Variants in L3MBTL2 observed in about 807,000 individuals in gnomAD.
L3MBTL2 encodes the protein lethal(3)malignant brain tumor-like protein 2.
A neutral mutation model predicts 86.4 loss-of-function variants in L3MBTL2; 49 were observed. The observed-to-expected ratio is 0.57, with a 90% CI of 0.45 to 0.72. L3MBTL2 has a LOEUF of 0.72. L3MBTL2 is among the 30% of genes least tolerant of loss of function. The probability of loss-of-function intolerance (pLI) is 0.00; values close to 1 mark genes in which losing one functional copy is unlikely to be tolerated. For missense variants in L3MBTL2, 755 were observed against 923.7 expected, an observed-to-expected ratio of 0.82 and a Z score of 2.37; for synonymous variants, 336 against 350.6, an observed-to-expected ratio of 0.96 and a Z score of 0.47.
chr22:41,227,618 G>A lies in L3MBTL2; in HGVS notation c.1823-186G>A. Reference sequence around the variant, plus strand: ...TCTGAGCAGCCCTGGTAACAAGGGTGGGAAGAAGGGACAGCTGTTCTCCGG... The same window carrying A: ...TCTGAGCAGCCCTGGTAACAAGGGTAGGAAGAAGGGACAGCTGTTCTCCGG... On this transcript the variant is annotated intron_variant, in intron 14 of 16. Transcript: ENST00000216237. This position sits in a 1 kb window ranked among gnomAD's most constrained non-coding sequence, Gnocchi z 6.0. 3.9e-6 allele frequency: 6 copies of A among 1,547,514 alleles called. No homozygotes were observed. The highest frequency in any genetic ancestry group is 4.4e-6 in the Non-Finnish European group (5 of 1,145,048).
chr22:41,227,739 C>T lies in L3MBTL2; in HGVS notation c.1823-65C>T, dbSNP rs2032286624. 6.2e-7 allele frequency: 1 copy of T among 1,611,348 alleles called. No homozygotes were observed. The highest frequency in any genetic ancestry group is 8.5e-7 in the Non-Finnish European group (1 of 1,178,520). On this transcript the variant is annotated intron_variant, in intron 14 of 16. Coordinates refer to ENST00000216237, the MANE Select transcript of L3MBTL2 (RefSeq NM_031488.5). The surrounding 1 kb of genome is among the most constrained non-coding windows in gnomAD (Gnocchi z 6.0). Reference sequence around the variant, plus strand: ...AGGGTGGATGGGGTCTCGGGATGCGCCTGTGCCCTGTGTCCTCCCAGGGAC... The same window carrying T: ...AGGGTGGATGGGGTCTCGGGATGCGTCTGTGCCCTGTGTCCTCCCAGGGAC...
chr22:41,211,393 C>A (rs1273474806), intron 2 of L3MBTL2, among the ~76,000 whole-genome samples: 2 of 150,852 alleles, frequency 1.3e-5, no homozygotes, highest in Non-Finnish European at 3.0e-5. Flanking sequence ...TTTGTAGAGA[C>A]AGGGGTTTTG....
chr22:41,225,044 CA>C lies in L3MBTL2; in HGVS notation c.1331del (p.Asn444ThrfsTer16). On this transcript the variant is annotated frameshift_variant, in exon 11 of 17. Coordinates refer to ENST00000216237, the MANE Select transcript of L3MBTL2 (RefSeq NM_031488.5). LOFTEE classifies it high-confidence loss of function. This position sits in a 1 kb window ranked among gnomAD's most constrained non-coding sequence, Gnocchi z 4.1. ...LEAIDPLNLG[N>X]ICVATVCKVL... ...AGGCCATTGACCCCCTGAATCTGGG[CA>C]ACATCTGCGTGGCAACTGTCTGTAA... is the stretch of plus-strand genomic sequence containing the variant. 3.7e-6 allele frequency: 6 copies of C among 1,614,022 alleles called. No individual in the cohort carries two copies. The highest frequency in any genetic ancestry group is 5.1e-6 in the Non-Finnish European group (6 of 1,179,952).
In L3MBTL2 at chr22:41,220,794, G is replaced by A. The variant is rs768022587; in HGVS notation, c.779G>A (p.Cys260Tyr). The change falls in exon 7 of 17, where the codon TGC (cysteine) becomes TAC (tyrosine). Residue 260 changes from cysteine to tyrosine, a missense_variant. Transcript: ENST00000216237. The stretch of plus-strand genomic sequence containing the variant: ...AATGACGCCAGCCATGACTTCTGGT[G>A]CAACCTGGGAACAGTGGATGTCCAC... ...FENDASHDFWCNLGTVDVHPI... is the reference protein window; with the variant it reads ...FENDASHDFWYNLGTVDVHPI... 5.0e-6 allele frequency: 8 copies of A among 1,613,898 alleles called. No homozygotes were observed. Among genetic ancestry groups the A allele is most frequent in the Non-Finnish European group, 6.8e-6 (8 of 1,179,980 alleles).
chr22:41,211,661 A>C (rs1342376040), intron 2 of L3MBTL2, among the ~76,000 whole-genome samples: 1 of 143,556 alleles, frequency 7.0e-6, no homozygotes, highest in East Asian at 2.0e-4. Flanking sequence ...GGTTCAAGCC[A>C]TTCTCCTGCC....
At chr22:41,207,530 C>T (rs919528085) in intron 1 of L3MBTL2, among the ~76,000 whole-genome samples, 1 of 151,942 alleles carries the variant, frequency 6.6e-6, no homozygotes, top group Admixed American at 6.6e-5. Context: ...GCCCCCAAAC[C>T]CTATGAAATA....
rs776714489 is a variant in L3MBTL2, at chr22:41,216,216, T to A, written c.474T>A (p.Ser158=). Residue 158 remains serine, a synonymous_variant, in exon 4 of 17, where the codon TCT becomes TCA. Coordinates refer to ENST00000216237, the MANE Select transcript of L3MBTL2 (RefSeq NM_031488.5). The part of the protein sequence containing the change: ...WSAKIGAFLH[S]QGTGQLADGT... The stretch of plus-strand genomic sequence containing the variant: ...CCAAAATTGGAGCCTTCCTCCACTC[T>A]CAAGGGACAGGACAGCTGGCAGATG... The A allele has an allele frequency of 1.2e-6, 2 of 1,613,954 alleles. No individual in the cohort carries two copies. The highest frequency in any genetic ancestry group is 1.7e-6 in the Non-Finnish European group (2 of 1,179,986).
intron 16 of L3MBTL2, 34 bp downstream of exon 16, chr22:41,229,690 A>G (rs1435582067): frequency 1.9e-6 from 3 of 1,612,852 alleles, no homozygotes; most frequent in East Asian, 4.5e-5. Context: ...AGGCAGGACC[A>G]GCCTGCTCCG....
rs1211745791 is a variant in L3MBTL2, at chr22:41,227,215, G to T, written c.1714G>T (p.Gly572Cys). The change falls in exon 14 of 17, where the codon GGC (glycine) becomes TGC (cysteine). Residue 572 changes from glycine (G) to cysteine (C), a missense_variant. Physicochemically the swap from Gly to Cys is radical, Grantham distance 159 (BLOSUM62 -3). Around this residue, in one of 3 missense-constraint regions of L3MBTL2, gnomAD observed 634 missense variants for 748.9 expected, o/e 0.85. Coordinates refer to ENST00000216237, the MANE Select transcript of L3MBTL2 (RefSeq NM_031488.5). This position sits in a 1 kb window ranked among gnomAD's most constrained non-coding sequence, Gnocchi z 6.0. The stretch of plus-strand genomic sequence containing the variant: ...TCGGCTCCTCAGCATCCACTTTGAC[G>T]GCTGGGACAGCGAGTACGACCAGTG... ...VHRLLSIHFD[G>C]WDSEYDQWVD... 6.2e-7 allele frequency: 1 copy of T among 1,613,500 alleles called. No homozygotes were observed. The highest frequency in any genetic ancestry group is 8.5e-7 in the Non-Finnish European group (1 of 1,179,992).
intron 8 of L3MBTL2, 71 bp downstream of exon 8, chr22:41,221,358 A>T: frequency 1.6e-6 from 2 of 1,281,444 alleles, no homozygotes; most frequent in Admixed American, 2.0e-5. Context: ...CATGCCACTC[A>T]CTGGAGCATG....
At chr22:41,220,980 C>T (rs1224840877) in intron 7 of L3MBTL2, 112 bp downstream of exon 7, 11 of 1,277,292 alleles carry the variant, frequency 8.6e-6, no homozygotes, top group Non-Finnish European at 1.1e-5. Context: ...AGAACAGAAT[C>T]CACTTGCCCC....
intron 1 of L3MBTL2, among the ~76,000 whole-genome samples, chr22:41,206,659 C>T (rs181438755): frequency 7.8e-4 from 119 of 152,026 alleles, no homozygotes; most frequent in Admixed American, 2.0e-3. Flanking sequence ...ATTAGCCGGG[C>T]GTGGTGGCAG....
In L3MBTL2 at chr22:41,227,419, G is replaced by A; in HGVS notation, c.1822+96G>A. On this transcript the variant is annotated intron_variant, in intron 14 of 16. Coordinates refer to ENST00000216237, the MANE Select transcript of L3MBTL2 (RefSeq NM_031488.5). The surrounding 1 kb of genome is among the most constrained non-coding windows in gnomAD (Gnocchi z 6.0). ...TGTGCCCATCTCCGTTCTTTGGCATGAGGTGGAGATGTCTCATGGACCACT... is the reference window on the plus strand; with the variant it reads ...TGTGCCCATCTCCGTTCTTTGGCATAAGGTGGAGATGTCTCATGGACCACT... 7.6e-7 allele frequency: 1 copy of A among 1,312,134 alleles called. No individual in the cohort carries two copies. The highest frequency in any genetic ancestry group is 1.1e-6 in the Non-Finnish European group (1 of 933,172). The allele number at this position is 1,312,134 out of a possible 1,614,324, so 81.3% of individuals were successfully genotyped here.
chr22:41,209,913 A>T lies in L3MBTL2; in HGVS notation c.242A>T (p.Asp81Val). Residue 81 changes from aspartate to valine, a missense_variant, in exon 2 of 17, where the codon GAT becomes GTT. This residue lies in a region of L3MBTL2 where 103 missense variants were observed against 105.2 expected (regional missense o/e 0.98). Coordinates refer to ENST00000216237, the MANE Select transcript of L3MBTL2 (RefSeq NM_031488.5). ...AGCCCTGGGACTCCTCGCTCCTTGGATGGCAGTGGTTCTGAGCCAGGTGCC... is the reference window on the plus strand; with the variant it reads ...AGCCCTGGGACTCCTCGCTCCTTGGTTGGCAGTGGTTCTGAGCCAGGTGCC... ...LLSPGTPRSL[D>V]GSGSEPAVCE... 1 of 1,613,838 alleles carries T rather than the reference A, an allele frequency of 6.2e-7. No homozygotes were observed.
intron 1 of L3MBTL2, among the ~76,000 whole-genome samples, chr22:41,207,132 G>A (rs947704313): frequency 1.3e-5 from 2 of 151,648 alleles, no homozygotes; most frequent in Non-Finnish European, 2.9e-5. Flanking sequence ...CAGAGCCTAT[G>A]CTTTCAACCA....
chr22:41,221,534 T>C (rs1020435494), intron 8 of L3MBTL2, among the ~76,000 whole-genome samples: 2 of 152,240 alleles, frequency 1.3e-5, no homozygotes, highest in Non-Finnish European at 2.9e-5. Flanking sequence ...TTTGTCTGCC[T>C]TTTGCTCTTC....
At chr22:41,226,840 A>C in intron 13 of L3MBTL2, 96 bp downstream of exon 13, 1 of 960,398 alleles carries the variant, frequency 1.0e-6, no homozygotes, top group Non-Finnish European at 1.6e-6. Flanking sequence ...CTTTCTCTCG[A>C]ATCTCTACTG....
At chr22:41,207,070 C>T (rs1375081611) in intron 1 of L3MBTL2, among the ~76,000 whole-genome samples, 9 of 152,042 alleles carry the variant, frequency 5.9e-5, no homozygotes, top group Admixed American at 4.6e-4. Flanking sequence ...AAAATACGCA[C>T]AAAATCACAC....
rs139560023 is a variant in L3MBTL2 at position 41,227,244 on chromosome 22, G to A, written c.1743G>A (p.Val581=). The A allele has an allele frequency of 7.5e-5, 121 of 1,613,154 alleles. No individual in the cohort carries two copies. The East Asian group carries it at 1.8e-3, about 23-fold the overall frequency. Residue 581 remains valine (V), a synonymous_variant, in exon 14 of 17, where the codon GTG becomes GTA. Coordinates refer to ENST00000216237, the MANE Select transcript of L3MBTL2 (RefSeq NM_031488.5). The surrounding 1 kb of genome is among the most constrained non-coding windows in gnomAD (Gnocchi z 6.0). ...DGWDSEYDQW[V]DCESPDIYPV... is the part of the protein sequence containing the mutation. ...GGGACAGCGAGTACGACCAGTGGGT[G>A]GACTGCGAGTCCCCAGACATCTACC...
Sources: allele counts gnomAD v4.1 joint callset (sites outside exome capture counted in the v4.1 genomes callset), GRCh38; gene constraint gnomAD v4.1.1; regional missense constraint gnomAD v4.1.1; non-coding constraint Gnocchi (gnomAD v3.1); transcripts MANE v1.5; gene names NCBI Gene and HGNC (gene_info 2026-07-23, HGNC 2026-07-21).